The following ZNF160 variants were observed in gnomAD, a reference collection of about 807,000 sequenced individuals.
ZNF160 encodes KRAB zinc finger protein KR18.
In ZNF160, 9 loss-of-function variants were observed where a neutral mutation model predicts 13.1. The observed-to-expected ratio is 0.69, with a 90% CI of 0.41 to 1.20. The LOEUF (loss-of-function observed/expected upper bound fraction) is 1.20, where lower values mean the gene tolerates loss of function less well. Ranked by LOEUF, ZNF160 falls within the 50% of genes most tolerant of loss-of-function variation. The probability of loss-of-function intolerance (pLI) is 0.01; values close to 1 mark genes in which losing one functional copy is unlikely to be tolerated. For missense variants in ZNF160, 838 were observed against 988.0 expected (o/e 0.85, Z 2.04); for synonymous variants, 293 against 333.2 (o/e 0.88, Z 1.31).
At chr19:53,071,968 A>T (rs2084193496) in intron 5 of ZNF160, among the ~76,000 whole-genome samples, 3 of 152,224 alleles carry the variant, frequency 2.0e-5, no homozygotes, top group African/African-American at 7.2e-5. Context: ...TCATAGCACT[A>T]GGAAAATGAA....
Position 53,074,261 on chromosome 19 carries a change from A to G in ZNF160, c.150T>C (p.Cys50=), listed in dbSNP as rs2084295191. Reference sequence around the variant, plus strand: ...TGGAGATAATATTCATATCAAAATGACACAGTCCTGTTTATAAAAAGAAAG... The same window carrying G: ...TGGAGATAATATTCATATCAAAATGGCACAGTCCTGTTTATAAAAAGAAAG... ...NYWNLVSLGL[C]HFDMNIISML... is the part of the protein sequence containing the mutation. The change falls in exon 5 of 6, where the codon TGT becomes TGC. Residue 50 remains cysteine, a synonymous_variant. Coordinates refer to ENST00000683776, the MANE Select transcript of ZNF160 (RefSeq NM_001322131.2). The G allele has an allele frequency of 6.2e-7, 1 of 1,614,030 alleles. No individual in the cohort carries two copies. The highest frequency in any genetic ancestry group is 2.2e-5 in the East Asian group (1 of 44,876).
chr19:53,073,711 A>G (rs1600818812), intron 5 of ZNF160, among the ~76,000 whole-genome samples: 1 of 152,172 alleles, frequency 6.6e-6, no homozygotes, highest in Non-Finnish European at 1.5e-5. Flanking sequence ...CCATCATGAT[A>G]AAGACTTTGC....
At chr19:53,084,823 A>G (rs1691022795) in intron 3 of ZNF160, 1 of 152,188 alleles carries the variant, frequency 6.6e-6, no homozygotes, top group African/African-American at 2.4e-5. Context: ...TAGGGATAGA[A>G]TCTTGCCAGA....
intron 1 of ZNF160, among the ~76,000 whole-genome samples, chr19:53,093,226 G>C (rs1164570062): frequency 2.6e-5 from 4 of 152,182 alleles, no homozygotes; most frequent in Admixed American, 2.6e-4. Context: ...GATCACCTGA[G>C]GTCAGGAGTT....
At position 53,086,248 on chromosome 19, in the gene ZNF160, G is replaced by A. The variant is rs1232333168; in HGVS notation, c.15+14C>T. ...AAGAAATAAAAGAACAATCCACCAGGAGTATCACTTTACCTGAGTAAGGGC... is the reference window on the plus strand; with the variant it reads ...AAGAAATAAAAGAACAATCCACCAGAAGTATCACTTTACCTGAGTAAGGGC... On this transcript the variant is annotated intron_variant, in intron 3 of 5. Coordinates refer to ENST00000683776, the MANE Select transcript of ZNF160 (RefSeq NM_001322131.2). 12 of 1,583,142 alleles carry A rather than the reference G, an allele frequency of 7.6e-6. No individual in the cohort carries two copies. The highest frequency in any genetic ancestry group is 4.5e-5 in the East Asian group (2 of 44,610).
chr19:53,095,831 A>G (rs1309554533), intron 1 of ZNF160: 2 of 152,188 alleles, frequency 1.3e-5, no homozygotes, highest in South Asian at 2.1e-4. Flanking sequence ...CTTCTGTCTC[A>G]ATAACAGTAA....
Position 53,076,369 on chromosome 19 carries a change from G to A in ZNF160, c.16-1186C>T, listed in dbSNP as rs192230629. Among the ~76,000 whole-genome samples, 508 of 152,330 alleles carry A rather than the reference G, an allele frequency of 3.3e-3. 3 individuals carry two copies. The highest frequency in any genetic ancestry group is 0.012 in the African/African-American group (485 of 41,562). ...AAGAAATGATAATGCGGCCGGGCGT[G>A]GCGGCTCATGCCTGTAATCCAGCAC... On this transcript the variant is annotated intron_variant, in intron 3 of 5. Coordinates refer to ENST00000683776, the MANE Select transcript of ZNF160 (RefSeq NM_001322131.2).
chr19:53,073,376 G>A (rs1339939488), intron 5 of ZNF160: 2 of 1,598,444 alleles, frequency 1.3e-6, no homozygotes, highest in South Asian at 1.1e-5. Context: ...ACACCCCCAT[G>A]AAAGTGGCAA....
chr19:53,088,145 G>A (rs2084911126), intron 2 of ZNF160, among the ~76,000 whole-genome samples: 1 of 152,168 alleles, frequency 6.6e-6, no homozygotes, highest in South Asian at 2.1e-4. Flanking sequence ...GATCAGAGTG[G>A]CAAGAAGATT....
rs369841016 is a variant in ZNF160 at position 53,077,606 on chromosome 19, T to C, written c.16-2423A>G. Reference sequence around the variant, plus strand: ...ATCGCTTGAACCCGGGAGGTGGAGGTTGCAGTGAGCTGGGATCCCACCACT... The same window carrying C: ...ATCGCTTGAACCCGGGAGGTGGAGGCTGCAGTGAGCTGGGATCCCACCACT... On this transcript the variant is annotated intron_variant, in intron 3 of 5. Transcript: ENST00000683776. Among the ~76,000 whole-genome samples the C allele has an allele frequency of 7.0e-5, 10 of 143,834 alleles. No homozygotes were observed. In the South Asian group the frequency reaches 1.8e-3, roughly 26 times the overall value. The allele number at this position is 143,834 out of a possible 152,430, so 94.4% of individuals were successfully genotyped here. A position where few individuals can be genotyped will look rare whatever the true frequency, so the allele number is the denominator to read the frequency against.
chr19:53,076,531 C>G (rs2084397440), intron 3 of ZNF160, among the ~76,000 whole-genome samples: 2 of 152,150 alleles, frequency 1.3e-5, no homozygotes, highest in East Asian at 1.9e-4. Context: ...CCAAGCTACT[C>G]GGGAGGCTAA....
chr19:53,073,935 G>A (rs1351071023), intron 5 of ZNF160, among the ~76,000 whole-genome samples: 2 of 152,060 alleles, frequency 1.3e-5, no homozygotes, highest in Non-Finnish European at 2.9e-5. Context: ...ACAGGCACAC[G>A]CCACCATGCC....
chr19:53,075,655 C>T (rs2145588797), intron 3 of ZNF160: 1 of 496,724 alleles, frequency 2.0e-6, no homozygotes, highest in South Asian at 1.4e-5. Context: ...ATCCCAGCTC[C>T]TCACTCCTTT....
rs760330625 is a variant in ZNF160 at position 53,069,321 on chromosome 19, C to G, written c.1213G>C (p.Ala405Pro). 2 of 1,613,944 alleles carry G rather than the reference C, an allele frequency of 1.2e-6. No homozygotes were observed. Among genetic ancestry groups the G allele is most frequent in the Non-Finnish European group, 1.7e-6 (2 of 1,179,884 alleles). Residue 405 changes from alanine (A) to proline (P), a missense_variant, in exon 6 of 6, where the codon GCC becomes CCC. Physicochemically the swap from Ala to Pro is conservative, Grantham distance 27. This residue lies in a region of ZNF160 where 400 missense variants were observed against 538.9 expected (regional missense o/e 0.74). Transcript: ENST00000683776. The surrounding 1 kb of genome is among the most constrained non-coding windows in gnomAD (Gnocchi z 4.4). Reference protein sequence around the residue: ...KPYKCNECGKAFSVRSSLAIH... With the variant: ...KPYKCNECGKPFSVRSSLAIH... Reference sequence around the variant, plus strand: ...GCTAGGCTTGAACGAACACTAAAGGCTTTGCCGCACTCATTGCACTTGTAA... The same window carrying G: ...GCTAGGCTTGAACGAACACTAAAGGGTTTGCCGCACTCATTGCACTTGTAA...
At chr19:53,077,693 GAAAA>G (rs1056107044) in intron 3 of ZNF160, among the ~76,000 whole-genome samples, 4 of 135,918 alleles carry the variant, frequency 2.9e-5, no homozygotes, top group Admixed American at 2.2e-4. Context: ...AAAAGCAAAA[GAAAA>G]AAAGAAACAT....
chr19:53,087,643 T>C (rs949768587), intron 2 of ZNF160, among the ~76,000 whole-genome samples: 11 of 152,070 alleles, frequency 7.2e-5, no homozygotes, highest in African/African-American at 2.2e-4. Flanking sequence ...CTCCGCCTCC[T>C]GGGTTCAAGC....
Position 53,078,059 on chromosome 19 carries a change from A to G in ZNF160, c.16-2876T>C, listed in dbSNP as rs541463953. 2.7e-3 allele frequency among the ~76,000 whole-genome samples: 410 copies of G among 152,146 alleles called. 3 individuals carry two copies. Among genetic ancestry groups the G allele is most frequent in the Non-Finnish European group, 4.0e-3 (270 of 67,992 alleles). ...GTTCGAGACCAGCCTGGCCAACATG[A>G]TGAAACCTCATCTCTACAAAAATAC... On this transcript the variant is annotated intron_variant, in intron 3 of 5. Transcript: ENST00000683776.
Position 53,068,062 on chromosome 19 carries a change from A to G in ZNF160, c.*15T>C. ...ATGTGAAAGGAGTGAATTGTACCTA[A>G]TGACCTCACCACACTCATTTGTAAG... On this transcript the variant is annotated 3_prime_UTR_variant, in exon 6 of 6. Coordinates refer to ENST00000683776, the MANE Select transcript of ZNF160 (RefSeq NM_001322131.2). 1.3e-6 allele frequency: 2 copies of G among 1,581,024 alleles called. No individual in the cohort carries two copies. Among genetic ancestry groups the G allele is most frequent in the Admixed American group, 1.7e-5 (1 of 57,288 alleles).
At chr19:53,095,931 T>C (rs1289194650) in intron 1 of ZNF160, among the ~76,000 whole-genome samples, 3 of 152,154 alleles carry the variant, frequency 2.0e-5, no homozygotes, top group Non-Finnish European at 4.4e-5. Context: ...AAGGAAATGA[T>C]ATATGGTCAG....
Sources: gnomAD v4.1 joint callset for allele counts (sites outside exome capture counted in the v4.1 genomes callset) on GRCh38, gnomAD v4.1.1 for gene constraint, gnomAD v4.1.1 regional missense constraint, Gnocchi (gnomAD v3.1) non-coding constraint, MANE v1.5 for transcripts, NCBI Gene and HGNC (gene_info 2026-07-23, HGNC 2026-07-21) for gene names.